Variants in MYO16 observed in about 807,000 individuals in gnomAD.
The protein encoded by MYO16 is myosin XVI.
Under a neutral mutation model 205.3 loss-of-function variants are expected in MYO16, and 94 were observed. That is an observed-to-expected ratio of 0.46 (90% CI 0.39 to 0.54). The LOEUF (loss-of-function observed/expected upper bound fraction) is 0.54, where lower values mean the gene tolerates loss of function less well. Among genes scored for constraint, MYO16 ranks in the 20% least tolerant of loss-of-function variants. The probability of loss-of-function intolerance (pLI) is 0.00; values close to 1 mark genes in which losing one functional copy is unlikely to be tolerated. For missense variants in MYO16, 2,315 were observed against 2,387.5 expected (o/e 0.97, Z 0.63); for synonymous variants, 988 against 954.0 (o/e 1.04, Z -0.66).
chr13:109,096,732 A>C (rs61968405), intron 27 of MYO16, among the ~76,000 whole-genome samples: 5 of 7,556 alleles, frequency 6.6e-4, no homozygotes, highest in Admixed American at 2.4e-3. Flanking sequence ...ATGTACAAAG[A>C]TGTCCCCTTA....
At chr13:108,958,732 A>G (rs1302288511) in intron 17 of MYO16, among the ~76,000 whole-genome samples, 3 of 152,344 alleles carry the variant, frequency 2.0e-5, no homozygotes, top group Non-Finnish European at 2.9e-5. Context: ...TGAATAAGAC[A>G]TAAGAAATGG....
chr13:109,079,572 C>T (rs1888219981), intron 27 of MYO16, among the ~76,000 whole-genome samples: 1 of 152,022 alleles, frequency 6.6e-6, no homozygotes, highest in Admixed American at 6.6e-5. Context: ...ATTGAGCACA[C>T]ATGGACATAA....
chr13:109,187,700 C>G (rs1050440585), intron 34 of MYO16, among the ~76,000 whole-genome samples: 14 of 152,146 alleles, frequency 9.2e-5, no homozygotes, highest in Non-Finnish European at 1.9e-4. Context: ...TTTAATTCCC[C>G]TATGATCTGA....
intron 22 of MYO16, among the ~76,000 whole-genome samples, chr13:109,018,081 G>A (rs1250982163): frequency 1.3e-5 from 2 of 152,128 alleles, no homozygotes; most frequent in Middle Eastern, 3.2e-3. Flanking sequence ...TTCTGCTCTG[G>A]TTTCTCCCCA....
At position 108,879,376 on chromosome 13, in the gene MYO16, ATTATAC is replaced by A. The variant is rs532319498; in HGVS notation, c.1426-3680_1426-3675del. On this transcript the variant is annotated intron_variant, in intron 12 of 34. Coordinates refer to ENST00000457511, the MANE Select transcript of MYO16 (RefSeq NM_001198950.3). ...TTTTAACATCAACCTTTTTTTTATT[ATTATAC>A]TTTAAGTTCTAGGGTACATGTGCAC... Among the ~76,000 whole-genome samples, 107 of 152,100 alleles carry A rather than the reference ATTATAC, an allele frequency of 7.0e-4. 1 individual carries two copies. Among genetic ancestry groups the A allele is most frequent in the African/African-American group, 2.2e-3 (92 of 41,494 alleles).
At chr13:108,812,402 T>C (rs1887321368) in intron 7 of MYO16, among the ~76,000 whole-genome samples, 1 of 152,190 alleles carries the variant, frequency 6.6e-6, no homozygotes, top group Non-Finnish European at 1.5e-5. Flanking sequence ...AGTTACTATT[T>C]ATTTAATGAG....
intron 23 of MYO16, among the ~76,000 whole-genome samples, chr13:109,037,991 G>C (rs1317814467): frequency 2.0e-5 from 3 of 150,410 alleles, no homozygotes; most frequent in Admixed American, 6.6e-5. Flanking sequence ...CTGTGAGTAG[G>C]GTAGAGGAAA....
At chr13:109,046,311 C>T (rs1447940023) in intron 23 of MYO16, among the ~76,000 whole-genome samples, 7 of 152,012 alleles carry the variant, frequency 4.6e-5, no homozygotes, top group Non-Finnish European at 7.4e-5. Context: ...CTAAGAGAGA[C>T]AACAAACTAT....
chr13:109,128,356 A>T (rs1033230188), intron 31 of MYO16, among the ~76,000 whole-genome samples: 4 of 152,156 alleles, frequency 2.6e-5, no homozygotes, highest in Admixed American at 2.6e-4. Context: ...GACCCAGGGT[A>T]GTAGTACAGG....
chr13:109,048,954 A>G (rs1220972778), intron 24 of MYO16: 1 of 121,202 alleles, frequency 8.3e-6, no homozygotes, highest in Non-Finnish European at 1.7e-5. Context: ...ACTTCACTCA[A>G]AAGGAGGCAG....
At position 108,679,718 on chromosome 13, in the gene MYO16, A is replaced by AT. The variant is rs1361203421; in HGVS notation, c.292+13569_292+13570insT. ...GTACTGTTCTTGGTTCTGCAAAAAA[A>AT]AAAATAATAATAATAATAATAATAA... On this transcript the variant is annotated intron_variant, in intron 2 of 34. Coordinates refer to ENST00000457511, the MANE Select transcript of MYO16 (RefSeq NM_001198950.3). Among the ~76,000 whole-genome samples, 81 of 147,920 alleles carry AT rather than the reference A, an allele frequency of 5.5e-4. 1 individual carries two copies. In the South Asian group the frequency reaches 0.017, roughly 31 times the overall value.
At chr13:108,878,564 T>A (rs1202130770) in intron 12 of MYO16, among the ~76,000 whole-genome samples, 1 of 152,194 alleles carries the variant, frequency 6.6e-6, no homozygotes. Flanking sequence ...AGACAAGAGC[T>A]TAGGATACAG....
the MYO16 span, among the ~76,000 whole-genome samples, chr13:108,545,293 A>G: frequency 6.6e-6 from 1 of 152,188 alleles, no homozygotes; most frequent in African/African-American, 2.4e-5. Flanking sequence ...TGCCTACAAT[A>G]ATCGCCTTCA....
chr13:108,971,638 A>AT (rs1566439287), intron 20 of MYO16, among the ~76,000 whole-genome samples: 1 of 151,832 alleles, frequency 6.6e-6, no homozygotes, highest in East Asian at 1.9e-4. Flanking sequence ...TATGGAGATC[A>AT]TTTTTTCACT....
At chr13:108,925,190 T>C (rs992572521) in intron 16 of MYO16, among the ~76,000 whole-genome samples, 5 of 152,162 alleles carry the variant, frequency 3.3e-5, no homozygotes, top group African/African-American at 1.2e-4. Context: ...TCCCGGCATC[T>C]CTCTGTGGGC....
the MYO16 span, among the ~76,000 whole-genome samples, chr13:108,524,008 G>T: frequency 6.6e-6 from 1 of 152,150 alleles, no homozygotes; most frequent in Non-Finnish European, 1.5e-5. Flanking sequence ...ATTTATAAGT[G>T]TGTGGCACTG....
At chr13:108,843,773 G>A (rs1877371520) in intron 9 of MYO16, among the ~76,000 whole-genome samples, 1 of 151,982 alleles carries the variant, frequency 6.6e-6, no homozygotes, top group Non-Finnish European at 1.5e-5. Flanking sequence ...AAAAAGTTAA[G>A]TATCTTTTAT....
intron 9 of MYO16, among the ~76,000 whole-genome samples, chr13:108,833,513 A>G (rs187979382): frequency 2.0e-5 from 3 of 152,294 alleles, no homozygotes; most frequent in Non-Finnish European, 2.9e-5. Context: ...CACACATGCC[A>G]TATCTTTACA....
At chr13:108,724,869 T>C (rs1480932838) in intron 3 of MYO16, among the ~76,000 whole-genome samples, 1 of 145,598 alleles carries the variant, frequency 6.9e-6, no homozygotes, top group Non-Finnish European at 1.5e-5. Context: ...TTTAAACAAT[T>C]ATATTTTAAG....
Sources: allele counts gnomAD v4.1 joint callset (sites outside exome capture counted in the v4.1 genomes callset), GRCh38; gene constraint gnomAD v4.1.1; transcripts MANE v1.5; gene names NCBI Gene and HGNC (gene_info 2026-07-23, HGNC 2026-07-21).